ARHGAP8: variants seen among roughly 807,000 people sequenced by gnomAD.
ARHGAP8 encodes rho GTPase-activating protein 8.
Under a neutral mutation model 46.1 loss-of-function variants are expected in ARHGAP8, and 62 were observed. That is an observed-to-expected ratio of 1.34 (90% CI 1.10 to 1.66). ARHGAP8 has a LOEUF of 1.66. Among genes scored for constraint, ARHGAP8 ranks in the 40% most tolerant of loss-of-function variants. The pLI, the probability that ARHGAP8 is intolerant of heterozygous loss-of-function variation, is 0.00. For missense variants in ARHGAP8, 923 were observed against 568.4 expected (o/e 1.62, Z -6.34); for synonymous variants, 375 against 243.1 (o/e 1.54, Z -5.05).
At chr22:44,836,733 T>G (rs115502654) in intron 7 of ARHGAP8, among the ~76,000 whole-genome samples, 1,925 of 152,066 alleles carry the variant, frequency 0.013, 40 homozygotes, top group African/African-American at 0.044. Context: ...GTGTTGTATT[T>G]AGAAGATGCA....
intron 4 of ARHGAP8, among the ~76,000 whole-genome samples, chr22:44,811,020 A>C (rs1929296876): frequency 2.0e-5 from 3 of 152,198 alleles, no homozygotes; most frequent in South Asian, 2.1e-4. Context: ...CCACGTGAGA[A>C]ACGAAGATGC....
intron 7 of ARHGAP8, among the ~76,000 whole-genome samples, chr22:44,828,062 G>A (rs1056414561): frequency 3.9e-5 from 6 of 152,108 alleles, no homozygotes; most frequent in East Asian, 1.9e-4. Context: ...CTTGACTGTC[G>A]TACTGCACTG....
intron 1 of ARHGAP8, among the ~76,000 whole-genome samples, chr22:44,781,408 C>T (rs1027428596): frequency 6.6e-6 from 1 of 152,184 alleles, no homozygotes; most frequent in African/African-American, 2.4e-5. Flanking sequence ...GTGTGGGCTG[C>T]GTTCAGATGG....
chr22:44,795,713 C>G (rs1045016382), intron 2 of ARHGAP8, among the ~76,000 whole-genome samples: 10 of 152,148 alleles, frequency 6.6e-5, no homozygotes, highest in Non-Finnish European at 5.9e-5. Flanking sequence ...TGCCAAAGAC[C>G]TGCGGTGGCC....
intron 10 of ARHGAP8, among the ~76,000 whole-genome samples, chr22:44,854,819 G>T (rs1014006047): frequency 6.6e-6 from 1 of 151,972 alleles, no homozygotes; most frequent in Admixed American, 6.6e-5. Flanking sequence ...TTGTATTGTT[G>T]TAGAGACGGG....
chr22:44,853,173 T>C (rs1189083310), intron 10 of ARHGAP8, among the ~76,000 whole-genome samples: 3 of 152,154 alleles, frequency 2.0e-5, no homozygotes, highest in African/African-American at 7.2e-5. Flanking sequence ...AAGTATCCTT[T>C]CATGGTAGAG....
At chr22:44,839,812 G>T (rs1321923525) in intron 7 of ARHGAP8, among the ~76,000 whole-genome samples, 1 of 152,232 alleles carries the variant, frequency 6.6e-6, no homozygotes, top group African/African-American at 2.4e-5. Context: ...CCAGGACTTA[G>T]TGGTTTCCGA....
At chr22:44,849,091 G>T in intron 10 of ARHGAP8, 31 bp downstream of exon 10, 1 of 1,612,184 alleles carries the variant, frequency 6.2e-7, no homozygotes, top group Non-Finnish European at 8.5e-7. Flanking sequence ...AGGGGTGGGG[G>T]GCTTGGTCCT....
chr22:44,844,250 G>T (rs985586919), intron 7 of ARHGAP8, among the ~76,000 whole-genome samples: 1 of 152,130 alleles, frequency 6.6e-6, no homozygotes, highest in Non-Finnish European at 1.5e-5. Context: ...AATTACAGGC[G>T]TGAGCTACTG....
intron 5 of ARHGAP8, among the ~76,000 whole-genome samples, chr22:44,819,321 C>T (rs1213382590): frequency 6.6e-6 from 1 of 152,126 alleles, no homozygotes; most frequent in Non-Finnish European, 1.5e-5. Context: ...CCAGCCTCGG[C>T]CTCTCAAAGT....
At chr22:44,808,589 T>G in intron 4 of ARHGAP8, 151 bp downstream of exon 4, 2 of 1,378,990 alleles carry the variant, frequency 1.5e-6, no homozygotes, top group Non-Finnish European at 2.0e-6. Flanking sequence ...CAGTGGAGGT[T>G]CACCTCCCCT....
At chr22:44,838,703 A>G (rs1271675751) in intron 7 of ARHGAP8, among the ~76,000 whole-genome samples, 1 of 152,192 alleles carries the variant, frequency 6.6e-6, no homozygotes, top group Admixed American at 6.5e-5. Context: ...CTCCCCGGGA[A>G]CAGTAGCCAG....
intron 5 of ARHGAP8, among the ~76,000 whole-genome samples, chr22:44,817,944 G>A (rs972696620): frequency 5.3e-5 from 8 of 151,984 alleles, no homozygotes; most frequent in African/African-American, 1.5e-4. Flanking sequence ...GCGGAACCTC[G>A]CCTCTACAAA....
At chr22:44,796,678 G>A (rs921388687) in intron 2 of ARHGAP8, among the ~76,000 whole-genome samples, 9 of 152,158 alleles carry the variant, frequency 5.9e-5, no homozygotes, top group African/African-American at 2.2e-4. Context: ...TAACTCCACG[G>A]GAGAAGTCAC....
chr22:44,810,772 G>A (rs1198046822), intron 4 of ARHGAP8, among the ~76,000 whole-genome samples: 1 of 152,152 alleles, frequency 6.6e-6, no homozygotes, highest in Non-Finnish European at 1.5e-5. Flanking sequence ...TGCAATTGGT[G>A]GGGGTCTGGT....
At chr22:44,859,658 C>G (rs1454715798) in intron 10 of ARHGAP8, 73 bp from the exon 11 acceptor site, 6 of 1,539,252 alleles carry the variant, frequency 3.9e-6, no homozygotes, top group South Asian at 1.1e-5. Context: ...CACCCCTGTT[C>G]TCCTCCCGGG....
rs1212784303 is a variant in ARHGAP8, at chr22:44,830,666, A to G, written c.596+5073A>G. ...ATTCTCCTGTCTCACCCTCCCGAGT[A>G]TGTGTGACTACAGGTATGTGCCACC... On this transcript the variant is annotated intron_variant, in intron 7 of 11. Coordinates refer to ENST00000356099, the MANE Select transcript of ARHGAP8 (RefSeq NM_181335.3). Among the ~76,000 whole-genome samples the G allele has an allele frequency of 1.5e-4, 23 of 152,012 alleles. 1 individual carries two copies. Among genetic ancestry groups the G allele is most frequent in the Non-Finnish European group, 3.4e-4 (23 of 67,996 alleles).
At chr22:44,852,618 C>G (rs6007325) in intron 10 of ARHGAP8, among the ~76,000 whole-genome samples, 41,560 of 151,936 alleles carry the variant, frequency 0.27, 7,049 homozygotes, top group African/African-American at 0.48. Context: ...ATCCTTCTCT[C>G]AGTGCTGTGA....
intron 10 of ARHGAP8, among the ~76,000 whole-genome samples, chr22:44,858,600 A>C (rs1214948207): frequency 7.7e-6 from 1 of 130,378 alleles, no homozygotes. Context: ...CGCACTCCTG[A>C]CCTCAAGTGA....
Sources: allele counts gnomAD v4.1 joint callset (sites outside exome capture counted in the v4.1 genomes callset), GRCh38; gene constraint gnomAD v4.1.1; transcripts MANE v1.5; gene names NCBI Gene and HGNC (gene_info 2026-07-23, HGNC 2026-07-21).